The following PTDSS2 variants were observed in gnomAD, a reference collection of about 807,000 sequenced individuals.
PTDSS2 encodes PSS-2.
Under a neutral mutation model 64.7 loss-of-function variants are expected in PTDSS2, and 41 were observed. The ratio of observed to expected loss-of-function variants is 0.63; its 90% CI spans 0.49 to 0.82. The LOEUF is 0.82. Among genes scored for constraint, PTDSS2 ranks in the 40% least tolerant of loss-of-function variants. PTDSS2 has a pLI of 0.00. For missense variants in PTDSS2, 485 were observed against 650.0 expected (o/e 0.75, Z 2.76); for synonymous variants, 297 against 277.8 (o/e 1.07, Z -0.69).
In PTDSS2 at chr11:489,387, C is replaced by G; in HGVS notation, c.855-13C>G. ...GGCTGCCTTCCTCAGGCTGCCGGCT[C>G]TGTGGTTCCCAGGGGCAAGATGAAG... On this transcript the variant is annotated splice_polypyrimidine_tract_variant and intron_variant, in intron 8 of 11. Transcript: ENST00000308020. 1 of 1,610,808 alleles carries G rather than the reference C, an allele frequency of 6.2e-7. No homozygotes were observed. Among genetic ancestry groups the G allele is most frequent in the Non-Finnish European group, 8.5e-7 (1 of 1,178,468 alleles).
In PTDSS2 at chr11:490,059, T is replaced by G; in HGVS notation, c.1292T>G (p.Phe431Cys). 6.2e-7 allele frequency: 1 copy of G among 1,607,030 alleles called. No individual in the cohort carries two copies. The highest frequency in any genetic ancestry group is 8.5e-7 in the Non-Finnish European group (1 of 1,179,398). ...GCGCTCACCTGGACCGTCTGGCGCT[T>G]CTTCCTGCGGTGAGTCAGGGCAGGG... ...VLALTWTVWRFFLRDITLRYK... is the reference protein window; with the variant it reads ...VLALTWTVWRCFLRDITLRYK... The change falls in exon 11 of 12, where the codon TTC becomes TGC. Residue 431 changes from phenylalanine (F) to cysteine (C), a missense_variant. Coordinates refer to ENST00000308020, the MANE Select transcript of PTDSS2 (RefSeq NM_030783.3).
intron 8 of PTDSS2, among the ~76,000 whole-genome samples, chr11:489,090 G>C (rs1036136765): frequency 1.3e-5 from 2 of 152,232 alleles, no homozygotes; most frequent in African/African-American, 4.8e-5. Context: ...GCTAGCTCAC[G>C]GCACCGTGGA....
intron 1 of PTDSS2, chr11:451,434 A>T (rs1176592223): frequency 2.3e-6 from 1 of 444,326 alleles, no homozygotes; most frequent in African/African-American, 2.0e-5. Context: ...GAGAAGGATC[A>T]AGCCGTCGAC....
chr11:483,271 G>T (rs113844692), intron 4 of PTDSS2, among the ~76,000 whole-genome samples: 30 of 68,932 alleles, frequency 4.4e-4, no homozygotes, highest in Non-Finnish European at 7.0e-4. Context: ...AGTGGAGAAG[G>T]TTCTGTGAGT....
chr11:490,710 T>C lies in PTDSS2; in HGVS notation c.*128T>C. ...GTTTTTTGCTTTTCTCCTGTGCACC[T>C]GGCGAGGCTGAAGGCGAGGGGTGGA... On this transcript the variant is annotated 3_prime_UTR_variant, in exon 12 of 12. Transcript: ENST00000308020. 1.0e-6 allele frequency: 1 copy of C among 961,350 alleles called. No homozygotes were observed. Among genetic ancestry groups the C allele is most frequent in the Non-Finnish European group, 1.5e-6 (1 of 663,436 alleles). The allele number at this position is 961,350 out of a possible 1,614,324, so 59.6% of individuals were successfully genotyped here.
intron 4 of PTDSS2, chr11:480,128 G>A (rs915662717): frequency 1.3e-5 from 2 of 154,662 alleles, no homozygotes; most frequent in African/African-American, 2.4e-5. Flanking sequence ...CTTCTAGAAT[G>A]GAATCGTGGG....
Position 468,810 on chromosome 11 carries a change from C to T in PTDSS2, c.285-5085C>T, listed in dbSNP as rs112275241. 3.0e-3 allele frequency among the ~76,000 whole-genome samples: 322 copies of T among 108,776 alleles called. 3 individuals are homozygous for T. The highest frequency in any genetic ancestry group is 0.012 in the African/African-American group (306 of 26,158). The allele number at this position is 108,776 out of a possible 152,430, so 71.4% of individuals were successfully genotyped here. ...TGGAGGAGGGGAGTCTCTGGGTAAT[C>T]GGAGGAGGGGAGTCTGGGTAATCGG... is the stretch of plus-strand genomic sequence containing the variant. On this transcript the variant is annotated intron_variant, in intron 2 of 11. Transcript: ENST00000308020.
chr11:452,710 G>A (rs1846394599), intron 1 of PTDSS2, among the ~76,000 whole-genome samples: 1 of 152,074 alleles, frequency 6.6e-6, no homozygotes, highest in Non-Finnish European at 1.5e-5. Flanking sequence ...TCCCTTCCCT[G>A]TGCAGAGGAA....
At chr11:482,452 G>A (rs1359013686) in intron 4 of PTDSS2, among the ~76,000 whole-genome samples, 4 of 151,852 alleles carry the variant, frequency 2.6e-5, no homozygotes, top group African/African-American at 9.7e-5. Context: ...AGAACTCCTG[G>A]TCTCAAGTGA....
rs564351843 is a variant in PTDSS2 at position 463,776 on chromosome 11, G to C, written c.284+3488G>C. ...TTAGCCAGGATGGTCTCGATCTCCT[G>C]ACTTCGTGATCCGCCCGCCTCAGCC... On this transcript the variant is annotated intron_variant, in intron 2 of 11. Transcript: ENST00000308020. The C allele has an allele frequency of 1.1e-3, 169 of 152,226 alleles. 1 individual carries two copies. Among genetic ancestry groups the C allele is most frequent in the African/African-American group, 3.9e-3 (164 of 41,550 alleles). 9.4% of individuals were successfully genotyped at this position (152,226 alleles called of 1,614,324 possible). A position where few individuals can be genotyped will look rare whatever the true frequency, so the allele number is the denominator to read the frequency against.
chr11:484,026 C>T (rs889160404), intron 4 of PTDSS2, among the ~76,000 whole-genome samples: 1 of 152,152 alleles, frequency 6.6e-6, no homozygotes, highest in African/African-American at 2.4e-5. Flanking sequence ...TGGTGTGTGG[C>T]GTCTGCACGT....
intron 6 of PTDSS2, 105 bp downstream of exon 6, chr11:487,575 G>A: frequency 9.1e-7 from 1 of 1,097,196 alleles, no homozygotes; most frequent in Non-Finnish European, 1.4e-6. Context: ...CTCTGAGTGT[G>A]GTGGGAGGGT....
At chr11:467,587 C>A (rs576054525) in intron 2 of PTDSS2, among the ~76,000 whole-genome samples, 1 of 151,814 alleles carries the variant, frequency 6.6e-6, no homozygotes, top group Admixed American at 6.6e-5. Context: ...GAAACCCCGT[C>A]TCTACTAAAA....
intron 1 of PTDSS2, among the ~76,000 whole-genome samples, chr11:457,212 C>T (rs1368265502): frequency 6.6e-6 from 1 of 152,242 alleles, no homozygotes; most frequent in Admixed American, 6.5e-5. Context: ...TCGGCTAAGT[C>T]CAGGTGTGGG....
In PTDSS2 at chr11:490,425, T is replaced by TG. The variant is rs764176568; in HGVS notation, c.1307_1308insG (p.Ile436MetfsTer18). 6 of 1,613,166 alleles carry TG rather than the reference T, an allele frequency of 3.7e-6. No individual in the cohort carries two copies. In the East Asian group the frequency reaches 1.3e-4, roughly 36 times the overall value. On this transcript the variant is annotated frameshift_variant, in exon 12 of 12. Transcript: ENST00000308020. LOFTEE classifies it low-confidence loss of function (END_TRUNC). The stretch of plus-strand genomic sequence containing the variant: ...CGCTGCATCCCGCTCCCCAGGGACA[T>TG]CACATTGAGGTACAAGGAGACCCGG...
At chr11:472,368 C>T (rs959419181) in intron 2 of PTDSS2, among the ~76,000 whole-genome samples, 3 of 152,218 alleles carry the variant, frequency 2.0e-5, no homozygotes, top group Non-Finnish European at 2.9e-5. Flanking sequence ...GGAGGGGTAC[C>T]GGTGACAGGG....
In PTDSS2 at chr11:474,834, GATACGGACATATTCACTTGTTTGTGT is replaced by G. The variant is rs1186233442; in HGVS notation, c.367+874_367+899del. On this transcript the variant is annotated intron_variant, in intron 3 of 11. Transcript: ENST00000308020. ...CACTGTTAAATTTTCACGTGTTTGT[GATACGGACATATTCACTTGTTTGTGT>G]ATACGGACATATTCACGTGTTTGTG... 4.0e-3 allele frequency among the ~76,000 whole-genome samples: 607 copies of G among 152,340 alleles called. 4 individuals are homozygous for G. The highest frequency in any genetic ancestry group is 0.017 in the Middle Eastern group (5 of 294).
In PTDSS2 at chr11:490,082, G is replaced by GGGCAA; in HGVS notation, c.1301+17_1301+18insAAGGC. 1 of 1,595,052 alleles carries GGGCAA rather than the reference G, an allele frequency of 6.3e-7. No individual in the cohort carries two copies. Among genetic ancestry groups the GGGCAA allele is most frequent in the East Asian group, 2.2e-5 (1 of 44,674 alleles). ...CTTCTTCCTGCGGTGAGTCAGGGCA[G>GGGCAA]GGCGCGTATGTTCTGAAGGAGGGCC... On this transcript the variant is annotated intron_variant, in intron 11 of 11. Transcript: ENST00000308020.
chr11:463,636 T>A (rs1445058443), intron 2 of PTDSS2: 1 of 150,632 alleles, frequency 6.6e-6, no homozygotes, highest in African/African-American at 2.4e-5. Context: ...AGGCTCCACC[T>A]CCCGGGTTCC....
Sources: gnomAD v4.1 joint callset for allele counts (sites outside exome capture counted in the v4.1 genomes callset) on GRCh38, gnomAD v4.1.1 for gene constraint, MANE v1.5 for transcripts, NCBI Gene and HGNC (gene_info 2026-07-23, HGNC 2026-07-21) for gene names.